Variants in SEPSECS observed in about 807,000 individuals in gnomAD.
The protein encoded by SEPSECS is Sep (O-phosphoserine) tRNA:Sec (selenocysteine) tRNA synthase.
Under a neutral mutation model 52.1 loss-of-function variants are expected in SEPSECS, and 42 were observed. The observed-to-expected ratio is 0.81, with a 90% CI of 0.63 to 1.04. The LOEUF is 1.04. Ranked by LOEUF, SEPSECS falls within the 50% of genes least tolerant of loss-of-function variation. SEPSECS has a pLI of 0.00. For missense variants in SEPSECS, 590 were observed against 610.6 expected, an observed-to-expected ratio of 0.97 and a Z score of 0.36; for synonymous variants, 216 against 211.4, an observed-to-expected ratio of 1.02 and a Z score of -0.19.
intron 8 of SEPSECS, among the ~76,000 whole-genome samples, chr4:25,144,156 T>C (rs548810981): frequency 2.0e-5 from 3 of 151,660 alleles, no homozygotes; most frequent in East Asian, 3.9e-4. Context: ...CTAGCCAACA[T>C]AGTGAAACCC....
In SEPSECS at chr4:25,159,110, T is replaced by TTA; in HGVS notation, c.115-4_115-3insTA. 2 of 1,461,976 alleles carry TTA rather than the reference T, an allele frequency of 1.4e-6. No homozygotes were observed. The highest frequency in any genetic ancestry group is 1.8e-6 in the Non-Finnish European group (2 of 1,086,964). 90.6% of individuals were successfully genotyped at this position (1,461,976 alleles called of 1,614,324 possible). On this transcript the variant is annotated splice_region_variant and splice_polypyrimidine_tract_variant and intron_variant, in intron 1 of 10. Coordinates refer to ENST00000382103, the MANE Select transcript of SEPSECS (RefSeq NM_016955.4). ...CAGCCATTCTCTGGACACTTGCCCT[T>TTA]AAAAAAAAAAAAAAACTTATGATTA...
At chr4:25,155,931 C>T in intron 4 of SEPSECS, 106 bp downstream of exon 4, 1 of 1,077,954 alleles carries the variant, frequency 9.3e-7, no homozygotes. Flanking sequence ...TTTAAAAAAG[C>T]AATAGGGAAG....
Position 25,122,612 on chromosome 4 carries a change from C to G in SEPSECS, c.*1319G>C, listed in dbSNP as rs1334060533. 2 of 152,138 alleles carry G rather than the reference C, an allele frequency of 1.3e-5. No homozygotes were observed. The highest frequency in any genetic ancestry group is 4.1e-4 in the South Asian group (2 of 4,822). The allele number at this position is 152,138 out of a possible 1,614,324, so 9.4% of individuals were successfully genotyped here. ...AAAGGCAGCTCCCAAAATTATTTGT[C>G]TGTAAACATTTTCTCCCCATGAGCA... On this transcript the variant is annotated 3_prime_UTR_variant, in exon 11 of 11. Transcript: ENST00000382103.
intron 6 of SEPSECS, among the ~76,000 whole-genome samples, chr4:25,150,447 A>C (rs927141299): frequency 6.6e-6 from 1 of 152,226 alleles, no homozygotes; most frequent in African/African-American, 2.4e-5. Flanking sequence ...ACAAAGTTCT[A>C]CCCCAACAGA....
intron 9 of SEPSECS, among the ~76,000 whole-genome samples, chr4:25,126,361 C>A (rs1196046166): frequency 6.6e-6 from 1 of 152,032 alleles, no homozygotes; most frequent in East Asian, 1.9e-4. Context: ...ATTCAAGCTA[C>A]ACAATATCAC....
intron 8 of SEPSECS, among the ~76,000 whole-genome samples, chr4:25,144,326 CAAA>C (rs34160695): frequency 8.4e-5 from 7 of 83,828 alleles, no homozygotes; most frequent in South Asian, 4.2e-4. Flanking sequence ...AGACTCCGCT[CAAA>C]AAAAAAAAAA....
intron 5 of SEPSECS, among the ~76,000 whole-genome samples, chr4:25,153,635 T>C (rs1401634236): frequency 6.6e-6 from 1 of 151,914 alleles, no homozygotes; most frequent in Non-Finnish European, 1.5e-5. Flanking sequence ...AAAAACAAAA[T>C]GTATACTGTA....
At chr4:25,144,909 G>A (rs377155019) in intron 7 of SEPSECS, 44 bp from the exon 8 acceptor site, 2 of 1,591,110 alleles carry the variant, frequency 1.3e-6, no homozygotes, top group Non-Finnish European at 1.7e-6. Context: ...TGGTGGGGGG[G>A]TAGCTTTGGA....
chr4:25,156,499 T>C (rs1413189122), intron 3 of SEPSECS, among the ~76,000 whole-genome samples: 1 of 151,270 alleles, frequency 6.6e-6, no homozygotes, highest in African/African-American at 2.4e-5. Flanking sequence ...GGTCAGGAGA[T>C]CGAGACCATC....
At chr4:25,136,217 G>A (rs1451827408) in intron 8 of SEPSECS, among the ~76,000 whole-genome samples, 4 of 152,188 alleles carry the variant, frequency 2.6e-5, no homozygotes, top group Non-Finnish European at 4.4e-5. Context: ...AATCAGGCAA[G>A]AGAAAGAAAT....
At chr4:25,141,114 C>T (rs551238015) in intron 8 of SEPSECS, among the ~76,000 whole-genome samples, 56 of 152,216 alleles carry the variant, frequency 3.7e-4, no homozygotes, top group Non-Finnish European at 6.2e-4. Context: ...AGTTTATATA[C>T]GGGTCTTGAG....
chr4:25,150,092 T>C (rs1044172226), intron 6 of SEPSECS, among the ~76,000 whole-genome samples: 1 of 152,200 alleles, frequency 6.6e-6, no homozygotes, highest in African/African-American at 2.4e-5. Flanking sequence ...GTGATTACTA[T>C]TTCATATAAA....
At position 25,156,034 on chromosome 4, in the gene SEPSECS, T is replaced by C; in HGVS notation, c.547+3A>G. On this transcript the variant is annotated splice_donor_region_variant and intron_variant, in intron 4 of 10. Coordinates refer to ENST00000382103, the MANE Select transcript of SEPSECS (RefSeq NM_016955.4). ...AAAACATTATGTATGACACTTCTCT[T>C]ACCTGCAGTGATCATGGATTTAAAG... 6.2e-7 allele frequency: 1 copy of C among 1,612,222 alleles called. No individual in the cohort carries two copies. Among genetic ancestry groups the C allele is most frequent in the Non-Finnish European group, 8.5e-7 (1 of 1,178,292 alleles).
chr4:25,125,099 T>G (rs760710492), intron 10 of SEPSECS, among the ~76,000 whole-genome samples: 5 of 152,172 alleles, frequency 3.3e-5, no homozygotes, highest in South Asian at 2.1e-4. Flanking sequence ...ATCTCTATCC[T>G]CCGGTAGCTA....
At chr4:25,127,062 T>C (rs1225144130) in intron 9 of SEPSECS, among the ~76,000 whole-genome samples, 1 of 152,246 alleles carries the variant, frequency 6.6e-6, no homozygotes, top group African/African-American at 2.4e-5. Context: ...TCTTATTCTC[T>C]CAGTGTATAG....
intron 5 of SEPSECS, among the ~76,000 whole-genome samples, chr4:25,154,244 A>G (rs982227066): frequency 1.3e-5 from 2 of 152,186 alleles, no homozygotes; most frequent in African/African-American, 4.8e-5. Context: ...AGAATTCATT[A>G]TTGCCAAATA....
In SEPSECS at chr4:25,156,093, T is replaced by C. The variant is rs768840152; in HGVS notation, c.491A>G (p.Tyr164Cys). Residue 164 changes from tyrosine (Y) to cysteine (C), a missense_variant, in exon 4 of 11, where the codon TAT (tyrosine) becomes TGT (cysteine). Tyr to Cys is a radical substitution (Grantham distance 194). Transcript: ENST00000382103. ...TLRHKRPKAKYIIWPRIDQKS... is the reference protein window; with the variant it reads ...TLRHKRPKAKCIIWPRIDQKS... ...CTGGTCTATTCGTGGCCATATAATA[T>C]ACTTTGCCTTTGGTCTTTTGTGTCG... 9.9e-6 allele frequency: 16 copies of C among 1,613,910 alleles called. No homozygotes were observed. The highest frequency in any genetic ancestry group is 1.3e-5 in the Non-Finnish European group (15 of 1,179,946).
chr4:25,134,348 GTGTGTA>G (rs1479541941), intron 8 of SEPSECS, among the ~76,000 whole-genome samples: 13 of 149,156 alleles, frequency 8.7e-5, no homozygotes, highest in African/African-American at 3.2e-4. Flanking sequence ...GTGTGTGTGT[GTGTGTA>G]TAAAATTTGC....
intron 1 of SEPSECS, 87 bp from the exon 2 acceptor site, chr4:25,159,194 G>C: frequency 8.3e-7 from 1 of 1,199,446 alleles, no homozygotes; most frequent in South Asian, 1.6e-5. Context: ...TCTTTTTAAC[G>C]TGTATTTTGC....
Sources: gnomAD v4.1 joint callset for allele counts (sites outside exome capture counted in the v4.1 genomes callset) on GRCh38, gnomAD v4.1.1 for gene constraint, MANE v1.5 for transcripts, NCBI Gene and HGNC (gene_info 2026-07-23, HGNC 2026-07-21) for gene names.